The following VPS54 variants were observed in gnomAD, a reference collection of about 807,000 sequenced individuals.
The protein encoded by VPS54 is VPS54 subunit of GARP complex, also known as vacuolar protein sorting-associated protein 54.
In VPS54, 45 loss-of-function variants were observed where a neutral mutation model predicts 121.5. The observed-to-expected ratio is 0.37, with a 90% confidence interval of 0.29 to 0.47. The LOEUF (loss-of-function observed/expected upper bound fraction) is 0.47. Ranked by LOEUF, VPS54 falls within the 20% of genes least tolerant of loss-of-function variation. The pLI is 0.99. For synonymous variants in VPS54, 371 were observed against 385.8 expected (o/e 0.96, Z 0.45); for missense variants, 1,090 against 1,131.4 (o/e 0.96, Z 0.52).
intron 12 of VPS54, among the ~76,000 whole-genome samples, chr2:63,925,967 C>T (rs948364228): frequency 1.3e-5 from 2 of 152,148 alleles, no homozygotes; most frequent in African/African-American, 4.8e-5. Context: ...CCCATATGTG[C>T]CTTATGTTCC....
At chr2:64,008,291 G>A (rs1447035759) in intron 1 of VPS54, among the ~76,000 whole-genome samples, 1 of 152,034 alleles carries the variant, frequency 6.6e-6, no homozygotes, top group Non-Finnish European at 1.5e-5. Flanking sequence ...GCATGCACCT[G>A]TAATCCCAGC....
At chr2:63,914,132 G>A (rs1335807516) in intron 17 of VPS54, 50 bp downstream of exon 17, 2 of 1,383,202 alleles carry the variant, frequency 1.4e-6, no homozygotes, top group East Asian at 2.3e-5. Flanking sequence ...ACACCCTAAT[G>A]TATTAATTCC....
chr2:64,017,839 A>G (rs1006280555), intron 1 of VPS54, among the ~76,000 whole-genome samples: 32 of 152,222 alleles, frequency 2.1e-4, no homozygotes, highest in African/African-American at 7.2e-4. Context: ...GCTACTGGTA[A>G]CCTATCATAA....
chr2:63,951,504 C>G (rs1459821796), intron 7 of VPS54, among the ~76,000 whole-genome samples: 3 of 152,116 alleles, frequency 2.0e-5, no homozygotes, highest in Non-Finnish European at 4.4e-5. Context: ...ATCACTTCAG[C>G]TCACCACAGT....
intron 22 of VPS54, among the ~76,000 whole-genome samples, chr2:63,895,095 ATAAT>A (rs1431657045): frequency 6.6e-6 from 1 of 152,008 alleles, no homozygotes; most frequent in Non-Finnish European, 1.5e-5. Context: ...AGAAATATAA[ATAAT>A]TTATTATTCT....
chr2:63,992,439 C>A (rs982346267), intron 1 of VPS54, among the ~76,000 whole-genome samples: 1 of 152,192 alleles, frequency 6.6e-6, no homozygotes, highest in Admixed American at 6.5e-5. Context: ...GATTACTAAA[C>A]CCCTCCCAAT....
chr2:63,902,197 C>T (rs1196558188), intron 20 of VPS54, among the ~76,000 whole-genome samples: 1 of 152,118 alleles, frequency 6.6e-6, no homozygotes, highest in East Asian at 1.9e-4. Context: ...TCCCCTATTA[C>T]CCTTAAGAGC....
intron 3 of VPS54, chr2:63,975,750 C>G (rs1342938034): frequency 6.6e-6 from 1 of 152,210 alleles, no homozygotes; most frequent in Non-Finnish European, 1.5e-5. Context: ...TGAGTAATAA[C>G]AAAACTCTAG....
chr2:63,920,752 G>A (rs917298544), intron 13 of VPS54, 125 bp from the exon 14 acceptor site: 1 of 515,564 alleles, frequency 1.9e-6, no homozygotes, highest in African/African-American at 2.0e-5. Flanking sequence ...CAATACTTCA[G>A]ACCCAGAAAT....
At chr2:63,897,017 ACTATGC>A (rs1456033081) in intron 22 of VPS54, among the ~76,000 whole-genome samples, 7 of 152,202 alleles carry the variant, frequency 4.6e-5, no homozygotes, top group Admixed American at 2.6e-4. Flanking sequence ...CTTTCTATGT[ACTATGC>A]TATTTTACAG....
intron 1 of VPS54, among the ~76,000 whole-genome samples, chr2:64,012,693 A>G (rs892496458): frequency 3.7e-5 from 5 of 136,378 alleles, no homozygotes; most frequent in African/African-American, 1.4e-4. Context: ...CGGCCCATCA[A>G]AAAAAAAAAA....
Position 63,920,367 on chromosome 2 carries a change from G to C in VPS54, c.2051+79C>G, listed in dbSNP as rs978756199. The C allele has an allele frequency of 2.4e-5, 31 of 1,300,326 alleles. No homozygotes were observed. The East Asian group carries it at 8.3e-4, about 35-fold the overall frequency. The allele number at this position is 1,300,326 out of a possible 1,614,324, so 80.5% of individuals were successfully genotyped here. ...TCAGGCATTTTCACTGGCCAATTAG[G>C]TTTCCTCTTTTAAACATAACTGTGT... On this transcript the variant is annotated intron_variant, in intron 14 of 22. Coordinates refer to ENST00000272322, the MANE Select transcript of VPS54 (RefSeq NM_016516.3).
In VPS54 at chr2:63,914,432, AC is replaced by A. The variant is rs1673288366; in HGVS notation, c.2229-146del. The stretch of plus-strand genomic sequence containing the variant: ...GTAACTATGTTAAAGTATGCATTTT[AC>A]CTACTAGTACAGCAGGTTCTTGACT... On this transcript the variant is annotated intron_variant, in intron 16 of 22. Transcript: ENST00000272322. 3 of 624,790 alleles carry A rather than the reference AC, an allele frequency of 4.8e-6. No individual in the cohort carries two copies. In the South Asian group the frequency reaches 6.1e-5, roughly 13 times the overall value. The allele number at this position is 624,790 out of a possible 1,614,324, so 38.7% of individuals were successfully genotyped here.
At chr2:63,932,260 AG>A (rs1462125457) in intron 12 of VPS54, among the ~76,000 whole-genome samples, 1 of 152,228 alleles carries the variant, frequency 6.6e-6, no homozygotes, top group South Asian at 2.1e-4. Context: ...ACCAACCCAA[AG>A]GTTCATCAAT....
intron 12 of VPS54, among the ~76,000 whole-genome samples, chr2:63,927,774 A>G (rs952835774): frequency 6.6e-6 from 1 of 152,198 alleles, no homozygotes; most frequent in Non-Finnish European, 1.5e-5. Context: ...AAAGAAGATT[A>G]GATGAGTGGC....
intron 12 of VPS54, among the ~76,000 whole-genome samples, chr2:63,928,330 G>C (rs1415666942): frequency 1.3e-5 from 2 of 152,194 alleles, no homozygotes; most frequent in African/African-American, 2.4e-5. Flanking sequence ...AGAAATCCTA[G>C]AAGCCAGAAG....
intron 15 of VPS54, among the ~76,000 whole-genome samples, chr2:63,919,263 C>CT (rs1338416538): frequency 6.6e-6 from 1 of 151,954 alleles, no homozygotes; most frequent in Non-Finnish European, 1.5e-5. Context: ...CTGGTTCTTC[C>CT]TTTTTTGTCT....
In VPS54 at chr2:63,926,650, G is replaced by A. The variant is rs375075608; in HGVS notation, c.1740-5315C>T. 9.8e-5 allele frequency among the ~76,000 whole-genome samples: 15 copies of A among 152,320 alleles called. No individual in the cohort carries two copies. The South Asian group carries it at 2.3e-3, about 23-fold the overall frequency. On this transcript the variant is annotated intron_variant, in intron 12 of 22. Transcript: ENST00000272322. ...TGGGACTGGATGGACAGTGGGTGCA[G>A]CCCATGGAGGGTGCGCTGAAGCAGG...
chr2:63,903,207 T>C (rs1672763918), intron 20 of VPS54, among the ~76,000 whole-genome samples: 1 of 152,182 alleles, frequency 6.6e-6, no homozygotes, highest in African/African-American at 2.4e-5. Flanking sequence ...GACAATATTT[T>C]GAAGGCAAAT....
Sources: gnomAD v4.1 joint callset for allele counts (sites outside exome capture counted in the v4.1 genomes callset) on GRCh38, gnomAD v4.1.1 for gene constraint, MANE v1.5 for transcripts, NCBI Gene and HGNC (gene_info 2026-07-23, HGNC 2026-07-21) for gene names.